TNRC6C: variants seen among roughly 807,000 people sequenced by gnomAD.
TNRC6C encodes trinucleotide repeat containing adaptor 6C.
A neutral mutation model predicts 153.7 loss-of-function variants in TNRC6C; 20 were observed. The ratio of observed to expected loss-of-function variants is 0.13; its 90% CI spans 0.09 to 0.19. TNRC6C has a LOEUF of 0.19. TNRC6C is among the 10% of genes least tolerant of loss of function. TNRC6C has a pLI of 1.00. For missense variants in TNRC6C, 1,987 were observed against 2,172.0 expected (o/e 0.91, Z 1.69); for synonymous variants, 811 against 841.4 (o/e 0.96, Z 0.63).
upstream of TNRC6C, among the ~76,000 whole-genome samples, chr17:78,001,633 A>G (rs1182057009): frequency 6.6e-6 from 1 of 152,236 alleles, no homozygotes; most frequent in African/African-American, 2.4e-5. Flanking sequence ...GCAAGTTGCA[A>G]AAAAGTTTCT....
intron 1 of TNRC6C, among the ~76,000 whole-genome samples, chr17:77,990,421 G>A (rs144138072): frequency 1.2e-4 from 19 of 152,240 alleles, no homozygotes; most frequent in African/African-American, 4.6e-4. Flanking sequence ...CACCAGACTG[G>A]GTGTAGCCAT....
chr17:77,985,616 A>C (rs79978032), intron 1 of TNRC6C, among the ~76,000 whole-genome samples: 3 of 151,496 alleles, frequency 2.0e-5, no homozygotes, highest in Non-Finnish European at 4.4e-5. Flanking sequence ...AAAAAAAAAA[A>C]CCAGCAACTG....
chr17:78,037,406 A>C (rs1275585299), intron 2 of TNRC6C, among the ~76,000 whole-genome samples: 3 of 152,228 alleles, frequency 2.0e-5, no homozygotes, highest in African/African-American at 4.8e-5. Flanking sequence ...ACCAATAAGT[A>C]AGTCAGCCAC....
rs35887898 is a variant in TNRC6C, at chr17:78,093,046, G to C, written c.4084G>C (p.Ala1362Pro). 585 of 1,613,798 alleles carry C rather than the reference G, an allele frequency of 3.6e-4. 3 individuals carry two copies. In the African/African-American group the frequency reaches 7.2e-3, roughly 20 times the overall value. Residue 1362 changes from alanine (A) to proline (P), a missense_variant, in exon 15 of 20, where the codon GCT becomes CCT. Transcript: ENST00000301624. ...TGAGTCACCAGCCAGTCCTCCCGTA[G>C]CTGTTCCCCATAGCTGGTCACGTGC...
At chr17:78,040,169 C>A (rs1381001520) in intron 2 of TNRC6C, among the ~76,000 whole-genome samples, 3 of 152,112 alleles carry the variant, frequency 2.0e-5, no homozygotes, top group Non-Finnish European at 4.4e-5. Context: ...GTATATTTAG[C>A]CAAATAGCAA....
rs528155047 is a variant in TNRC6C, at chr17:78,027,165, G to C, written c.-545-4351G>C. Among the ~76,000 whole-genome samples, 12 of 152,190 alleles carry C rather than the reference G, an allele frequency of 7.9e-5. 1 individual carries two copies. The South Asian group carries it at 2.3e-3, about 29-fold the overall frequency. On this transcript the variant is annotated intron_variant, in intron 1 of 19. Coordinates refer to ENST00000301624, the Ensembl canonical transcript of TNRC6C. ...GGGGTCTTTTGGTCCAAAGACTGAG[G>C]GGTCAAAAGATAACAGGGCCTTGGA...
At chr17:78,084,012 G>A (rs189569401) in intron 11 of TNRC6C, among the ~76,000 whole-genome samples, 61 of 152,166 alleles carry the variant, frequency 4.0e-4, no homozygotes, top group African/African-American at 1.3e-3. Context: ...GGCCGGGCAC[G>A]GTGGCTCATG....
rs138889263 is a variant in TNRC6C, at chr17:77,975,516, A to G, written c.-38+16248A>G. 2.7e-3 allele frequency among the ~76,000 whole-genome samples: 409 copies of G among 152,354 alleles called. 1 individual carries two copies. The highest frequency in any genetic ancestry group is 7.9e-3 in the African/African-American group (327 of 41,578). ...GGAGACCTCCCTTATAATTTTGCCT[A>G]TAAAGGCAGCTACACATAGCAGTTT... On this transcript the variant is annotated intron_variant, in intron 1 of 22. Transcript: ENST00000636222.
chr17:78,070,291 T>A (rs1482651329), intron 5 of TNRC6C, among the ~76,000 whole-genome samples: 1 of 152,208 alleles, frequency 6.6e-6, no homozygotes, highest in Admixed American at 6.5e-5. Flanking sequence ...AATAAGCTAG[T>A]TCCTTGAGGA....
chr17:78,091,699 A>G, intron 14 of TNRC6C, 92 bp downstream of exon 16: 1 of 1,258,416 alleles, frequency 7.9e-7, no homozygotes, highest in Non-Finnish European at 1.0e-6. Flanking sequence ...ATACTTTTCT[A>G]AGAATTGAGC....
intron 1 of TNRC6C, among the ~76,000 whole-genome samples, chr17:78,029,492 GTA>G (rs1303940003): frequency 3.9e-5 from 6 of 152,124 alleles, no homozygotes; most frequent in Non-Finnish European, 8.8e-5. Flanking sequence ...AGGTACACCT[GTA>G]TAGGGCACTT....
At chr17:78,003,030 T>C (rs1284035929), upstream of TNRC6C, among the ~76,000 whole-genome samples, 2 of 152,154 alleles carry the variant, frequency 1.3e-5, no homozygotes, top group African/African-American at 4.8e-5. Context: ...ATGGTCAGAA[T>C]GCGGGATAGT....
At position 78,049,819 on chromosome 17, in the gene TNRC6C, C is replaced by G. The variant is rs780865396; in HGVS notation, c.757C>G (p.Pro253Ala). 3 of 1,611,564 alleles carry G rather than the reference C, an allele frequency of 1.9e-6. No homozygotes were observed. The highest frequency in any genetic ancestry group is 2.5e-6 in the Non-Finnish European group (3 of 1,178,342). The change falls in exon 3 of 20, where the codon CCA (proline) becomes GCA (alanine). Residue 253 changes from proline (P) to alanine (A), a missense_variant. Coordinates refer to ENST00000301624, the Ensembl canonical transcript of TNRC6C. The surrounding 1 kb of genome is among the most constrained non-coding windows in gnomAD (Gnocchi z 4.1). ...AAGCAATTCTGTGTGGGGACTGTCC[C>G]CAGGTAACCCTGCCACAGGAAATAG...
In TNRC6C at chr17:78,064,639, T is replaced by G. The variant is rs573999574; in HGVS notation, c.2396-83T>G. The G allele has an allele frequency of 4.5e-6, 6 of 1,327,988 alleles. No individual in the cohort carries two copies. The African/African-American group carries it at 8.7e-5, about 19-fold the overall frequency. The allele number at this position is 1,327,988 out of a possible 1,614,324, so 82.3% of individuals were successfully genotyped here. On this transcript the variant is annotated intron_variant, in intron 3 of 19. Transcript: ENST00000301624. ...TAAGGATAGATTATCTTGAAATTATTTTGAAATTGAAAACTGAATTATATT... is the reference window on the plus strand; with the variant it reads ...TAAGGATAGATTATCTTGAAATTATGTTGAAATTGAAAACTGAATTATATT...
chr17:78,007,063 G>T (rs1326843129), intron 1 of TNRC6C, among the ~76,000 whole-genome samples: 2 of 150,996 alleles, frequency 1.3e-5, no homozygotes, highest in East Asian at 3.9e-4. Context: ...GGTTGGTCTC[G>T]AACTCCTGAC....
chr17:78,090,358 G>A (rs67026334), intron 13 of TNRC6C, among the ~76,000 whole-genome samples: 8,806 of 152,256 alleles, frequency 0.058, 288 homozygotes, highest in Middle Eastern at 0.088. Flanking sequence ...GGCTCCTATG[G>A]GCATTTGAAT....
At chr17:77,979,821 G>T (rs1365644180) in intron 1 of TNRC6C, among the ~76,000 whole-genome samples, 2 of 152,102 alleles carry the variant, frequency 1.3e-5, no homozygotes, top group Non-Finnish European at 2.9e-5. Flanking sequence ...ATCAGCCAAA[G>T]GAGGAAAAAG....
At chr17:78,063,504 A>C (rs2072811320) in intron 3 of TNRC6C, among the ~76,000 whole-genome samples, 1 of 152,136 alleles carries the variant, frequency 6.6e-6, no homozygotes, top group South Asian at 2.1e-4. Context: ...CTGTGATTCT[A>C]TATGCATCTC....
At chr17:78,028,089 A>C (rs60249275) in intron 1 of TNRC6C, among the ~76,000 whole-genome samples, 2 of 151,860 alleles carry the variant, frequency 1.3e-5, no homozygotes, top group Admixed American at 6.6e-5. Context: ...TAGTAGAGAC[A>C]GGGTTTCACC....
Sources: allele counts gnomAD v4.1 joint callset (sites outside exome capture counted in the v4.1 genomes callset), GRCh38; gene constraint gnomAD v4.1.1; non-coding constraint Gnocchi (gnomAD v3.1); transcripts MANE v1.5; gene names NCBI Gene and HGNC (gene_info 2026-07-23, HGNC 2026-07-21).